KHDC1: variants seen among roughly 807,000 people sequenced by gnomAD.
KHDC1 encodes the protein KH domain containing 1.
A neutral mutation model predicts 24.7 loss-of-function variants in KHDC1; 21 were observed. The ratio of observed to expected loss-of-function variants is 0.85; its 90% CI spans 0.60 to 1.23. The LOEUF (loss-of-function observed/expected upper bound fraction) is 1.23. Ranked by LOEUF, KHDC1 falls within the 50% of genes most tolerant of loss-of-function variation. KHDC1 has a pLI of 0.00. For synonymous variants in KHDC1, 98 were observed against 111.7 expected, an observed-to-expected ratio of 0.88 and a Z score of 0.77; for missense variants, 274 against 298.5, an observed-to-expected ratio of 0.92 and a Z score of 0.61.
rs1455631104 is a variant in KHDC1, at chr6:73,289,113, C to A, written c.206+2885G>T. Among the ~76,000 whole-genome samples the A allele has an allele frequency of 2.6e-5, 4 of 151,808 alleles. No homozygotes were observed. In the East Asian group the frequency reaches 7.7e-4, roughly 29 times the overall value. On this transcript the variant is annotated intron_variant, in intron 2 of 4. Transcript: ENST00000370384. ...CTTTGGGAGGCGAAGGCAGGCAGATCACTTGAGGCCAGGAGTTCAAGACTA... is the reference window on the plus strand; with the variant it reads ...CTTTGGGAGGCGAAGGCAGGCAGATAACTTGAGGCCAGGAGTTCAAGACTA...
At chr6:73,265,434 C>G (rs527845481) in intron 2 of KHDC1, among the ~76,000 whole-genome samples, 4 of 146,164 alleles carry the variant, frequency 2.7e-5, no homozygotes, top group African/African-American at 7.7e-5. Context: ...GAGGCTGAGG[C>G]AGGAGAATTG....
intron 2 of KHDC1, among the ~76,000 whole-genome samples, chr6:73,248,104 G>A (rs1227128791): frequency 6.6e-6 from 1 of 152,150 alleles, no homozygotes; most frequent in Non-Finnish European, 1.5e-5. Flanking sequence ...TGGAGTCCCA[G>A]ACCTGGCATC....
At chr6:73,277,478 A>G (rs1767319020) in intron 2 of KHDC1, among the ~76,000 whole-genome samples, 1 of 152,182 alleles carries the variant, frequency 6.6e-6, no homozygotes, top group Non-Finnish European at 1.5e-5. Context: ...AAAAAACAGA[A>G]CAAGTCTGTC....
chr6:73,262,215 T>C (rs1766993688), intron 2 of KHDC1, among the ~76,000 whole-genome samples: 3 of 152,194 alleles, frequency 2.0e-5, no homozygotes, highest in South Asian at 2.1e-4. Flanking sequence ...GAGGTGATAA[T>C]AGTATACCCA....
chr6:73,257,095 C>A lies in KHDC1; in HGVS notation c.207-14565G>T, dbSNP rs139449905. 5.4e-3 allele frequency among the ~76,000 whole-genome samples: 829 copies of A among 152,152 alleles called. 12 individuals are homozygous for A. The highest frequency in any genetic ancestry group is 0.019 in the African/African-American group (771 of 41,526). ...ACAGCTTGAGCTCAAGAGTTTGAGA[C>A]CAGCCTAGGCAACATGGCAAAACCC... On this transcript the variant is annotated intron_variant, in intron 2 of 4. Coordinates refer to ENST00000370384, the Ensembl canonical transcript of KHDC1.
intron 1 of KHDC1, among the ~76,000 whole-genome samples, chr6:73,308,958 A>G (rs1336991107): frequency 3.3e-5 from 5 of 152,064 alleles, no homozygotes; most frequent in Non-Finnish European, 7.4e-5. Context: ...CCGCCTCCCT[A>G]GTACCTGGGA....
intron 2 of KHDC1, among the ~76,000 whole-genome samples, chr6:73,254,731 G>A (rs955817794): frequency 1.3e-5 from 2 of 151,824 alleles, no homozygotes; most frequent in African/African-American, 4.8e-5. Flanking sequence ...GGCCAGGAGC[G>A]GTGGCTCATG....
chr6:73,305,705 G>C (rs929004217), intron 1 of KHDC1, among the ~76,000 whole-genome samples: 1 of 152,094 alleles, frequency 6.6e-6, no homozygotes, highest in Admixed American at 6.6e-5. Flanking sequence ...TGTCACCCAG[G>C]CTGGAGTGCA....
chr6:73,264,402 G>C (rs1229194732), intron 2 of KHDC1, among the ~76,000 whole-genome samples: 1 of 152,200 alleles, frequency 6.6e-6, no homozygotes, highest in Admixed American at 6.5e-5. Context: ...TGGCCTATCA[G>C]CTAGTTCAGA....
chr6:73,263,534 C>T (rs1767025403), intron 2 of KHDC1: 1 of 151,970 alleles, frequency 6.6e-6, no homozygotes, highest in African/African-American at 2.4e-5. Flanking sequence ...GTGAAAAACC[C>T]TAGAGACCCT....
chr6:73,268,776 G>C (rs955352648), intron 2 of KHDC1: 3 of 152,570 alleles, frequency 2.0e-5, no homozygotes, highest in Non-Finnish European at 2.9e-5. Context: ...GACTCTCCAC[G>C]TCCCCACTAG....
At chr6:73,251,432 C>T (rs1402666134) in intron 2 of KHDC1, among the ~76,000 whole-genome samples, 3 of 152,114 alleles carry the variant, frequency 2.0e-5, no homozygotes, top group Non-Finnish European at 4.4e-5. Flanking sequence ...TTCTCAAGGA[C>T]ACTAGACTTA....
chr6:73,287,781 A>T (rs1173750700), intron 2 of KHDC1, among the ~76,000 whole-genome samples: 1 of 152,210 alleles, frequency 6.6e-6, no homozygotes, highest in East Asian at 1.9e-4. Flanking sequence ...GAGGGAGGAC[A>T]TATGGGGTCA....
At chr6:73,285,001 C>A (rs1007734807) in intron 2 of KHDC1, among the ~76,000 whole-genome samples, 6 of 151,656 alleles carry the variant, frequency 4.0e-5, no homozygotes, top group Non-Finnish European at 8.8e-5. Context: ...CATGCCACCA[C>A]ACTTTGCTAA....
At chr6:73,248,965 A>G (rs1766727748) in intron 2 of KHDC1, among the ~76,000 whole-genome samples, 1 of 151,940 alleles carries the variant, frequency 6.6e-6, no homozygotes, top group South Asian at 2.1e-4. Context: ...AAAGAAAGAA[A>G]GAAAAGGTAA....
At chr6:73,264,487 C>G (rs1390088251) in intron 2 of KHDC1, among the ~76,000 whole-genome samples, 1 of 152,176 alleles carries the variant, frequency 6.6e-6, no homozygotes, top group Non-Finnish European at 1.5e-5. Flanking sequence ...TGTGGCCCCA[C>G]CCTTGATGAA....
chr6:73,290,177 T>C (rs562642147), intron 2 of KHDC1, among the ~76,000 whole-genome samples: 2 of 149,458 alleles, frequency 1.3e-5, no homozygotes, highest in South Asian at 4.3e-4. Context: ...CTCGGGAAGC[T>C]GAGGCAGGGA....
At chr6:73,249,243 T>G (rs148419116) in intron 2 of KHDC1, among the ~76,000 whole-genome samples, 1 of 152,070 alleles carries the variant, frequency 6.6e-6, no homozygotes. Context: ...ATCATGCCAT[T>G]GCACTCCAGC....
rs190368102 is a variant in KHDC1, at chr6:73,297,298, C to T, written c.164-5258G>A. Among the ~76,000 whole-genome samples, 9 of 152,138 alleles carry T rather than the reference C, an allele frequency of 5.9e-5. No homozygotes were observed. In the East Asian group the frequency reaches 1.7e-3, roughly 29 times the overall value. ...GTATCTTGAGGATTGTTGCATTTGG[C>T]ACTTCATCTAAATACAAATTATTTT... On this transcript the variant is annotated intron_variant, in intron 1 of 4. Coordinates refer to ENST00000370384, the Ensembl canonical transcript of KHDC1.
Sources: allele counts gnomAD v4.1 joint callset (sites outside exome capture counted in the v4.1 genomes callset), GRCh38; gene constraint gnomAD v4.1.1; transcripts MANE v1.5; gene names NCBI Gene and HGNC (gene_info 2026-07-23, HGNC 2026-07-21).